Variants in PDGFRA observed in about 807,000 individuals in gnomAD.
The protein encoded by PDGFRA is platelet-derived growth factor receptor alpha.
In PDGFRA, 25 loss-of-function variants were observed where a neutral mutation model predicts 121.5. The ratio of observed to expected loss-of-function variants is 0.21; its 90% CI spans 0.15 to 0.29. The LOEUF (loss-of-function observed/expected upper bound fraction) is 0.29. Ranked by LOEUF, PDGFRA falls within the 10% of genes least tolerant of loss-of-function variation. PDGFRA has a pLI of 1.00. For synonymous variants in PDGFRA, 463 were observed against 494.8 expected (o/e 0.94, Z 0.85); for missense variants, 1,008 against 1,345.1 (o/e 0.75, Z 3.92).
intron 1 of PDGFRA, among the ~76,000 whole-genome samples, chr4:54,247,019 G>A (rs1577684524): frequency 6.6e-6 from 1 of 152,174 alleles, no homozygotes; most frequent in Non-Finnish European, 1.5e-5. Context: ...ACTAAACCAG[G>A]AAGAAGTTGA....
At chr4:54,271,534 T>TTC (rs1209643203) in intron 8 of PDGFRA, among the ~76,000 whole-genome samples, 1 of 151,716 alleles carries the variant, frequency 6.6e-6, no homozygotes, top group Non-Finnish European at 1.5e-5. Context: ...CCAAGGGACT[T>TTC]TCTCTCTCTC....
intron 22 of PDGFRA, among the ~76,000 whole-genome samples, chr4:54,294,475 C>G (rs1724779920): frequency 6.6e-6 from 1 of 152,146 alleles, no homozygotes; most frequent in African/African-American, 2.4e-5. Context: ...ATTGAACTTT[C>G]TCAGTTGAAG....
In PDGFRA at chr4:54,295,653, G is replaced by A; in HGVS notation, c.*381G>A. The A allele has an allele frequency of 2.8e-6, 1 of 357,910 alleles. No homozygotes were observed. Among genetic ancestry groups the A allele is most frequent in the South Asian group, 4.2e-5 (1 of 23,902 alleles). The allele number at this position is 357,910 out of a possible 1,614,324, so 22.2% of individuals were successfully genotyped here. On this transcript the variant is annotated 3_prime_UTR_variant, in exon 23 of 23. Transcript: ENST00000257290. ...TGTAAATAACTCTAACCAAGGCTGT[G>A]TTTAGATTGTATTAACTATCTTCTT...
intron 8 of PDGFRA, among the ~76,000 whole-genome samples, chr4:54,271,110 G>T (rs1320267711): frequency 2.0e-5 from 3 of 152,132 alleles, no homozygotes; most frequent in Admixed American, 2.0e-4. Flanking sequence ...GCCTCCACCA[G>T]CTTACTTAGC....
At chr4:54,249,075 G>T (rs1042176156) in intron 1 of PDGFRA, among the ~76,000 whole-genome samples, 2 of 152,186 alleles carry the variant, frequency 1.3e-5, no homozygotes, top group Non-Finnish European at 2.9e-5. Flanking sequence ...AACAACAGGT[G>T]CTGGAGAGGA....
At chr4:54,287,692 TTA>T in intron 19 of PDGFRA, 151 bp downstream of exon 19, 1 of 703,306 alleles carries the variant, frequency 1.4e-6, no homozygotes, top group Non-Finnish European at 2.6e-6. Context: ...ATGTTGTGCC[TTA>T]TTGTGTCTGA....
intron 1 of PDGFRA, among the ~76,000 whole-genome samples, chr4:54,233,125 C>A (rs765719553): frequency 2.0e-5 from 3 of 152,148 alleles, no homozygotes; most frequent in Non-Finnish European, 4.4e-5. Flanking sequence ...AAACGCAGAG[C>A]GTCGTGCCTG....
intron 7 of PDGFRA, among the ~76,000 whole-genome samples, chr4:54,269,403 T>G (rs1723203848): frequency 6.6e-6 from 1 of 152,042 alleles, no homozygotes; most frequent in African/African-American, 2.4e-5. Context: ...ATCTTCTCAC[T>G]CCATGACCAA....
chr4:54,232,926 T>G (rs976631693), intron 1 of PDGFRA, among the ~76,000 whole-genome samples: 13 of 152,276 alleles, frequency 8.5e-5, no homozygotes, highest in Admixed American at 8.5e-4. Context: ...ATGCTAGCTC[T>G]CCTCAGCATT....
chr4:54,247,975 C>G (rs1376360101), intron 1 of PDGFRA, among the ~76,000 whole-genome samples: 3 of 152,120 alleles, frequency 2.0e-5, no homozygotes, highest in African/African-American at 7.2e-5. Context: ...ACAATTGCTT[C>G]AAAGAGAATA....
intron 16 of PDGFRA, among the ~76,000 whole-genome samples, chr4:54,283,963 G>A (rs1442499038): frequency 2.6e-5 from 4 of 152,148 alleles, no homozygotes; most frequent in African/African-American, 7.2e-5. Context: ...GCATCTGACT[G>A]TAGGCTATTG....
At chr4:54,245,155 T>C (rs921831862) in intron 1 of PDGFRA, among the ~76,000 whole-genome samples, 2 of 152,168 alleles carry the variant, frequency 1.3e-5, no homozygotes, top group African/African-American at 2.4e-5. Flanking sequence ...CAGGATATTA[T>C]CCAGGAGAAC....
chr4:54,249,405 C>G (rs759823463), intron 1 of PDGFRA, among the ~76,000 whole-genome samples: 6 of 152,120 alleles, frequency 3.9e-5, no homozygotes, highest in Non-Finnish European at 8.8e-5. Context: ...CGATGATAGA[C>G]TGGATTAAGA....
chr4:54,243,831 C>T (rs561762018), intron 1 of PDGFRA, among the ~76,000 whole-genome samples: 9 of 152,300 alleles, frequency 5.9e-5, no homozygotes, highest in Admixed American at 6.5e-5. Context: ...GGGTGACAGA[C>T]GGCACCTGGA....
chr4:54,265,182 G>T, intron 5 of PDGFRA, 133 bp downstream of exon 5: 1 of 813,000 alleles, frequency 1.2e-6, no homozygotes, highest in Non-Finnish European at 2.1e-6. Context: ...CCTCTGGGAT[G>T]AACACATTTG....
At chr4:54,243,268 CACTT>C (rs1721412533) in intron 1 of PDGFRA, among the ~76,000 whole-genome samples, 1 of 152,156 alleles carries the variant, frequency 6.6e-6, no homozygotes, top group African/African-American at 2.4e-5. Flanking sequence ...TAATTAAGAT[CACTT>C]ACTTATCAGG....
intron 1 of PDGFRA, among the ~76,000 whole-genome samples, chr4:54,248,348 G>A (rs939016499): frequency 5.6e-4 from 85 of 152,236 alleles, no homozygotes; most frequent in Admixed American, 1.6e-3. Flanking sequence ...AAACAGCATG[G>A]TACTGGTACC....
intron 1 of PDGFRA, among the ~76,000 whole-genome samples, chr4:54,230,982 G>A (rs1172479630): frequency 1.3e-5 from 2 of 152,238 alleles, no homozygotes; most frequent in African/African-American, 4.8e-5. Flanking sequence ...ACCCGAGTAC[G>A]TTGCCAGAGG....
chr4:54,241,461 T>C (rs1273142709), intron 1 of PDGFRA, among the ~76,000 whole-genome samples: 1 of 152,066 alleles, frequency 6.6e-6, no homozygotes, highest in East Asian at 1.9e-4. Context: ...ACGATAAAGT[T>C]TATACAAGAG....
Sources: allele counts gnomAD v4.1 joint callset (sites outside exome capture counted in the v4.1 genomes callset), GRCh38; gene constraint gnomAD v4.1.1; transcripts MANE v1.5; gene names NCBI Gene and HGNC (gene_info 2026-07-23, HGNC 2026-07-21).